The following NPEPL1 variants were observed in gnomAD, a reference collection of about 807,000 sequenced individuals.
NPEPL1 encodes the protein probable aminopeptidase NPEPL1.
Under a neutral mutation model 52.4 loss-of-function variants are expected in NPEPL1, and 45 were observed. The observed-to-expected ratio is 0.86, with a 90% CI of 0.68 to 1.10. The LOEUF (loss-of-function observed/expected upper bound fraction) is 1.10, where lower values mean the gene tolerates loss of function less well. Among genes scored for constraint, NPEPL1 ranks in the 50% least tolerant of loss-of-function variants. NPEPL1 has a pLI of 0.00. For missense variants in NPEPL1, 696 were observed against 710.9 expected (o/e 0.98, Z 0.24); for synonymous variants, 360 against 314.7 (o/e 1.14, Z -1.52).
upstream of NPEPL1, chr20:58,691,559 GA>G: frequency 3.1e-6 from 2 of 645,022 alleles, no homozygotes; most frequent in Non-Finnish European, 5.5e-6. Flanking sequence ...TGTGGACAGG[GA>G]AGGTGAAAGC....
chr20:58,691,701 T>TTTTTTTTTTTTTTTTTTG, upstream of NPEPL1: 2 of 686,446 alleles, frequency 2.9e-6, no homozygotes. Flanking sequence ...TTCTTTTTTT[T>TTTTTTTTTTTTTTTTTTG]TTTTTTTTTT....
intron 7 of NPEPL1, among the ~76,000 whole-genome samples, chr20:58,712,167 C>T (rs540492005): frequency 6.6e-6 from 1 of 152,318 alleles, no homozygotes; most frequent in African/African-American, 2.4e-5. Context: ...TCTGTCGGCA[C>T]AGGTTGGCGA....
In NPEPL1 at chr20:58,694,340, C is replaced by T. The variant is rs541659857; in HGVS notation, c.337-82C>T. On this transcript the variant is annotated intron_variant, in intron 2 of 11. Coordinates refer to ENST00000356091, the MANE Select transcript of NPEPL1 (RefSeq NM_024663.4). ...TGTCACCTGCCAGGGAGCTGATGTT[C>T]CGGAGGCGTTCAAAGAGCAGCTCCC... is the stretch of plus-strand genomic sequence containing the variant. 3,180 of 1,397,946 alleles carry T rather than the reference C, an allele frequency of 2.3e-3. 9 individuals carry two copies. The highest frequency in any genetic ancestry group is 6.8e-3 in the Middle Eastern group (27 of 3,948). The allele number at this position is 1,397,946 out of a possible 1,614,324, so 86.6% of individuals were successfully genotyped here. A position where few individuals can be genotyped will look rare whatever the true frequency, so the allele number is the denominator to read the frequency against.
At chr20:58,704,014 G>A in intron 6 of NPEPL1, 1 of 985,404 alleles carries the variant, frequency 1.0e-6, no homozygotes, top group Non-Finnish European at 1.2e-6. Flanking sequence ...CCCCGCTGCA[G>A]TTGGAACCGT....
intron 6 of NPEPL1, chr20:58,703,880 G>A (rs1296560192): frequency 1.2e-5 from 12 of 985,120 alleles, no homozygotes; most frequent in South Asian, 4.7e-5. Flanking sequence ...CTGAAAATGC[G>A]ACTATAGCCC....
At chr20:58,700,910 G>C (rs754562864) in intron 5 of NPEPL1, 106 bp from the exon 6 acceptor site, 10 of 1,201,660 alleles carry the variant, frequency 8.3e-6, no homozygotes, top group African/African-American at 4.8e-5. Context: ...TCAGGCAGGC[G>C]GCTCTCCAGG....
chr20:58,714,182 G>T, intron 10 of NPEPL1, 89 bp downstream of exon 10: 1 of 1,438,784 alleles, frequency 7.0e-7, no homozygotes. Flanking sequence ...TGCACCCAGG[G>T]AGCTGGGGCC....
chr20:58,696,277 G>A (rs1431924262), intron 3 of NPEPL1, among the ~76,000 whole-genome samples: 3 of 152,184 alleles, frequency 2.0e-5, no homozygotes, highest in Non-Finnish European at 2.9e-5. Flanking sequence ...CTCCAGCCCA[G>A]CATGGTCTCC....
intron 2 of NPEPL1, 91 bp downstream of exon 2, chr20:58,694,013 A>C (rs1173179271): frequency 7.1e-6 from 9 of 1,265,082 alleles, no homozygotes; most frequent in African/African-American, 5.9e-5. Flanking sequence ...CTCAGACTGC[A>C]GCGCACGCCC....
In NPEPL1 at chr20:58,712,623, C is replaced by T. The variant is rs556561136; in HGVS notation, c.1001+44C>T. ...CTCCTTCCTGCCCACTGTTGGAACT[C>T]GCGACCCTTCCCGGCCTGCAATGCC... On this transcript the variant is annotated intron_variant, in intron 8 of 11. Coordinates refer to ENST00000356091, the MANE Select transcript of NPEPL1 (RefSeq NM_024663.4). 5.2e-4 allele frequency: 727 copies of T among 1,400,706 alleles called. 9 individuals carry two copies. In the South Asian group the frequency reaches 7.1e-3, roughly 14 times the overall value. 86.8% of individuals were successfully genotyped at this position (1,400,706 alleles called of 1,614,324 possible).
chr20:58,697,002 G>A (rs1472311262), intron 3 of NPEPL1, among the ~76,000 whole-genome samples: 2 of 152,172 alleles, frequency 1.3e-5, no homozygotes, highest in Non-Finnish European at 2.9e-5. Context: ...TCTTCCCTGC[G>A]GGAACCTTCC....
In NPEPL1 at chr20:58,704,110, A is replaced by G. The variant is rs1395256292; in HGVS notation, c.822+2952A>G. The G allele has an allele frequency of 4.1e-6, 4 of 985,356 alleles. No individual in the cohort carries two copies. The East Asian group carries it at 4.5e-4, about 112-fold the overall frequency. 61.0% of individuals were successfully genotyped at this position (985,356 alleles called of 1,614,324 possible). A position where few individuals can be genotyped will look rare whatever the true frequency, so the allele number is the denominator to read the frequency against. ...CGCTGAGGCTCCAGCCATTGATGCA[A>G]AGACCCCAATCCTGACCTGAAGGCG... On this transcript the variant is annotated intron_variant, in intron 6 of 11. Transcript: ENST00000356091.
chr20:58,707,714 GT>G (rs2084764760), intron 7 of NPEPL1, among the ~76,000 whole-genome samples: 1 of 148,768 alleles, frequency 6.7e-6, no homozygotes, highest in African/African-American at 2.5e-5. Flanking sequence ...CTCGGGGGGC[GT>G]GGGGGGGGTG....
At chr20:58,705,206 A>G (rs765716412) in intron 6 of NPEPL1, among the ~76,000 whole-genome samples, 9 of 152,160 alleles carry the variant, frequency 5.9e-5, no homozygotes, top group East Asian at 3.8e-4. Context: ...TTTCTGGGAA[A>G]TATCTGCCAG....
chr20:58,700,325 G>C (rs1371439784), intron 5 of NPEPL1, among the ~76,000 whole-genome samples: 1 of 152,226 alleles, frequency 6.6e-6, no homozygotes, highest in African/African-American at 2.4e-5. Flanking sequence ...GGGGGCCACA[G>C]GGGCCATCCT....
chr20:58,714,084 C>T lies in NPEPL1; in HGVS notation c.1293C>T (p.Asn431=). ...EFTSAVADMK[N]SVADRDNSPS... ...CCTCAGCTGTGGCGGACATGAAGAA[C>T]TCAGTGGCGGTAGGTTTGGAGCCTC... is the stretch of plus-strand genomic sequence containing the variant. The change falls in exon 10 of 12, where the codon AAC becomes AAT. Residue 431 remains asparagine, a synonymous_variant. Coordinates refer to ENST00000356091, the MANE Select transcript of NPEPL1 (RefSeq NM_024663.4). 1.3e-6 allele frequency: 2 copies of T among 1,548,838 alleles called. No homozygotes were observed. The highest frequency in any genetic ancestry group is 1.7e-6 in the Non-Finnish European group (2 of 1,148,526).
In NPEPL1 at chr20:58,694,509, C is replaced by G. The variant is rs370807734; in HGVS notation, c.424C>G (p.Arg142Gly). ...PLFTHRSGAS[R>G]RLEKKTVTVE... ...GTTCACCCACCGCTCAGGTGCCTCT[C>G]GGCGCTTGGAGAAGAAGACGGTCAC... Residue 142 changes from arginine (R) to glycine (G), a missense_variant, in exon 3 of 12, where the codon CGG becomes GGG. Transcript: ENST00000356091. 6.2e-7 allele frequency: 1 copy of G among 1,613,896 alleles called. No individual in the cohort carries two copies. Among genetic ancestry groups the G allele is most frequent in the African/African-American group, 1.3e-5 (1 of 74,926 alleles).
At chr20:58,692,779 G>A, upstream of NPEPL1, 1 of 965,678 alleles carries the variant, frequency 1.0e-6, no homozygotes, top group Non-Finnish European at 1.2e-6. This position sits in a 1 kb window ranked among gnomAD's most constrained non-coding sequence, Gnocchi z 5.7. Context: ...CGGGGGAGGC[G>A]GGGCCCGCGG....
chr20:58,691,693 C>CT (rs11471424), upstream of NPEPL1: 10,245 of 558,614 alleles, frequency 0.018, 11 homozygotes, highest in East Asian at 0.028. Context: ...TTTTTCTTTT[C>CT]TTTTTTTTTT....
Sources: allele counts gnomAD v4.1 joint callset (sites outside exome capture counted in the v4.1 genomes callset), GRCh38; gene constraint gnomAD v4.1.1; non-coding constraint Gnocchi (gnomAD v3.1); transcripts MANE v1.5; gene names NCBI Gene and HGNC (gene_info 2026-07-23, HGNC 2026-07-21).